Variants in ROBO2 observed in about 807,000 individuals in gnomAD.
ROBO2 encodes the protein roundabout homolog 2.
ROBO2 carries 53 observed loss-of-function variants against 160.8 expected under a neutral mutation model. The ratio of observed to expected loss-of-function variants is 0.33; its 90% CI spans 0.26 to 0.41. The LOEUF (loss-of-function observed/expected upper bound fraction) is 0.41. Among genes scored for constraint, ROBO2 ranks in the 10% least tolerant of loss-of-function variants. The pLI, the probability that ROBO2 is intolerant of heterozygous loss-of-function variation, is 1.00. For missense variants in ROBO2, 1,577 were observed against 1,722.4 expected (o/e 0.92, Z 1.49); for synonymous variants, 664 against 611.7 (o/e 1.09, Z -1.26).
chr3:76,337,317 A>T (rs2073956422), intron 2 of ROBO2, among the ~76,000 whole-genome samples: 1 of 152,194 alleles, frequency 6.6e-6, no homozygotes, highest in African/African-American at 2.4e-5. Context: ...CCCCTGCTGT[A>T]ATAATACGTA....
chr3:77,411,819 G>A (rs781697702), intron 2 of ROBO2, among the ~76,000 whole-genome samples: 1 of 152,090 alleles, frequency 6.6e-6, no homozygotes, highest in Non-Finnish European at 1.5e-5. Flanking sequence ...TATGAGCATG[G>A]CATTTTTCTT....
chr3:77,308,461 A>C (rs2063282565), intron 2 of ROBO2, among the ~76,000 whole-genome samples: 1 of 152,196 alleles, frequency 6.6e-6, no homozygotes, highest in Non-Finnish European at 1.5e-5. Flanking sequence ...TGGGACTCCC[A>C]ACGTTGTGTC....
At chr3:76,664,629 G>A (rs1033347797) in intron 2 of ROBO2, among the ~76,000 whole-genome samples, 1 of 152,064 alleles carries the variant, frequency 6.6e-6, no homozygotes, top group African/African-American at 2.4e-5. Context: ...ATTTTAAAAA[G>A]CTATGTGGGT....
chr3:77,601,053 T>C (rs556119099), intron 19 of ROBO2, among the ~76,000 whole-genome samples: 2 of 152,258 alleles, frequency 1.3e-5, no homozygotes, highest in East Asian at 3.9e-4. Context: ...GTACAAAATA[T>C]AGTATACATT....
At chr3:76,448,566 A>G (rs1409138369) in intron 2 of ROBO2, among the ~76,000 whole-genome samples, 1 of 152,136 alleles carries the variant, frequency 6.6e-6, no homozygotes, top group Non-Finnish European at 1.5e-5. Context: ...TGCTTAATCT[A>G]TTTATGAGCT....
At chr3:77,550,710 C>T in intron 7 of ROBO2, 108 bp from the exon 9 acceptor site, 1 of 1,115,752 alleles carries the variant, frequency 9.0e-7, no homozygotes, top group Non-Finnish European at 1.3e-6. Flanking sequence ...ATATTTTAAT[C>T]TGTGTATTTT....
intron 2 of ROBO2, among the ~76,000 whole-genome samples, chr3:77,271,400 T>C (rs768930674): frequency 3.9e-5 from 6 of 152,200 alleles, no homozygotes; most frequent in Non-Finnish European, 8.8e-5. Context: ...TATGTTATTG[T>C]ATTTGTTTTC....
At chr3:76,210,359 G>A (rs559498368) in intron 2 of ROBO2, among the ~76,000 whole-genome samples, 81 of 152,098 alleles carry the variant, frequency 5.3e-4, no homozygotes, top group Non-Finnish European at 8.1e-4. Context: ...CTCTCTAGCC[G>A]TCTGAAAAAG....
chr3:77,172,685 T>C (rs2079756407), intron 2 of ROBO2, among the ~76,000 whole-genome samples: 1 of 152,244 alleles, frequency 6.6e-6, no homozygotes, highest in African/African-American at 2.4e-5. Context: ...GTTTTAATAC[T>C]GCTGAGTGAT....
intron 2 of ROBO2, among the ~76,000 whole-genome samples, chr3:76,044,249 G>C (rs943642497): frequency 6.6e-6 from 1 of 152,056 alleles, no homozygotes; most frequent in Non-Finnish European, 1.5e-5. Flanking sequence ...AAGTTATCAC[G>C]AAGTGGGTGA....
At chr3:76,178,983 G>C (rs2073330650) in intron 2 of ROBO2, among the ~76,000 whole-genome samples, 1 of 152,018 alleles carries the variant, frequency 6.6e-6, no homozygotes, top group Admixed American at 6.6e-5. Context: ...TTGTTCTTCA[G>C]AGCTTTCATG....
chr3:76,326,073 G>A (rs1043124046), intron 2 of ROBO2, among the ~76,000 whole-genome samples: 1 of 152,234 alleles, frequency 6.6e-6, no homozygotes, highest in African/African-American at 2.4e-5. Context: ...ATTAATTTTT[G>A]ATGATGCTAA....
intron 2 of ROBO2, among the ~76,000 whole-genome samples, chr3:76,753,496 T>C (rs2060794885): frequency 6.6e-6 from 1 of 151,890 alleles, no homozygotes; most frequent in Non-Finnish European, 1.5e-5. Context: ...TTTTTCCTTG[T>C]TAACAGATGA....
chr3:75,992,905 A>T (rs1025577590), intron 2 of ROBO2, among the ~76,000 whole-genome samples: 1 of 152,170 alleles, frequency 6.6e-6, no homozygotes, highest in African/African-American at 2.4e-5. Flanking sequence ...TGGATTTTGG[A>T]CTTGCATGGG....
chr3:77,008,133 T>C (rs993424810), intron 2 of ROBO2, among the ~76,000 whole-genome samples: 1 of 152,084 alleles, frequency 6.6e-6, no homozygotes, highest in African/African-American at 2.4e-5. Context: ...ATAAAATCAT[T>C]ATGTTCTAAG....
chr3:76,737,149 GT>G (rs1209160237), intron 2 of ROBO2, among the ~76,000 whole-genome samples: 2 of 151,912 alleles, frequency 1.3e-5, no homozygotes, highest in Admixed American at 6.6e-5. Context: ...CTAATATAGT[GT>G]TTTTTTCTCT....
chr3:76,069,695 G>A (rs1039637409), intron 2 of ROBO2, among the ~76,000 whole-genome samples: 2 of 152,000 alleles, frequency 1.3e-5, no homozygotes, highest in African/African-American at 4.8e-5. Context: ...TTCTGTGTGA[G>A]TTTTAATGGT....
chr3:76,657,435 A>G (rs1248106693), intron 2 of ROBO2, among the ~76,000 whole-genome samples: 1 of 146,530 alleles, frequency 6.8e-6, no homozygotes, highest in Admixed American at 6.9e-5. Context: ...AAACAAACAA[A>G]CAAAAAAATT....
At chr3:77,266,189 T>C (rs1311970909) in intron 2 of ROBO2, among the ~76,000 whole-genome samples, 1 of 138,746 alleles carries the variant, frequency 7.2e-6, no homozygotes, top group African/African-American at 2.8e-5. Flanking sequence ...TTATTTCTAC[T>C]TTTTTTTTTT....
Sources: allele counts gnomAD v4.1 joint callset (sites outside exome capture counted in the v4.1 genomes callset), GRCh38; gene constraint gnomAD v4.1.1; transcripts MANE v1.5; gene names NCBI Gene and HGNC (gene_info 2026-07-23, HGNC 2026-07-21).